The following SH3RF3 variants were observed in gnomAD, a reference collection of about 807,000 sequenced individuals.
The protein encoded by SH3RF3 is E3 ubiquitin-protein ligase SH3RF3.
In SH3RF3, 29 loss-of-function variants were observed where a neutral mutation model predicts 66.3. The ratio of observed to expected loss-of-function variants is 0.44; its 90% CI spans 0.33 to 0.60. The LOEUF (loss-of-function observed/expected upper bound fraction) is 0.60. SH3RF3 is among the 20% of genes least tolerant of loss of function. SH3RF3 has a pLI of 0.04. For missense variants in SH3RF3, 1,194 were observed against 1,190.9 expected, an observed-to-expected ratio of 1.00 and a Z score of -0.04; for synonymous variants, 583 against 532.0, an observed-to-expected ratio of 1.10 and a Z score of -1.32.
At chr2:109,401,911 C>T (rs545355080) in intron 4 of SH3RF3, among the ~76,000 whole-genome samples, 14 of 152,306 alleles carry the variant, frequency 9.2e-5, no homozygotes, top group South Asian at 2.1e-4. Flanking sequence ...TAGGGATTGA[C>T]GGGACTGGGA....
At chr2:109,178,256 G>A (rs1677973568) in intron 1 of SH3RF3, among the ~76,000 whole-genome samples, 1 of 152,230 alleles carries the variant, frequency 6.6e-6, no homozygotes, top group Non-Finnish European at 1.5e-5. Flanking sequence ...GAACTTAGTT[G>A]TCAACGTTTT....
chr2:109,414,024 C>T (rs10201726), intron 4 of SH3RF3, among the ~76,000 whole-genome samples: 7,720 of 152,314 alleles, frequency 0.051, 366 homozygotes, highest in African/African-American at 0.12. Flanking sequence ...GCATGCAGCT[C>T]AATGGACAAT....
At chr2:109,400,589 A>ACACACT (rs1233483788) in intron 4 of SH3RF3, among the ~76,000 whole-genome samples, 5 of 151,452 alleles carry the variant, frequency 3.3e-5, no homozygotes, top group Admixed American at 2.6e-4. Flanking sequence ...ACACACACAC[A>ACACACT]CTTGTGAACT....
Position 109,149,067 on chromosome 2 carries a change from C to T in SH3RF3, c.573+18954C>T, listed in dbSNP as rs1220134026. Among the ~76,000 whole-genome samples, 5 of 152,160 alleles carry T rather than the reference C, an allele frequency of 3.3e-5. No homozygotes were observed. In the East Asian group the frequency reaches 9.7e-4, roughly 29 times the overall value. Reference sequence around the variant, plus strand: ...ATTTGCTCTTTCCTTCCTTCAGAGGCTTCAATTGAGTGCCTCATGCAGGCC... The same window carrying T: ...ATTTGCTCTTTCCTTCCTTCAGAGGTTTCAATTGAGTGCCTCATGCAGGCC... On this transcript the variant is annotated intron_variant, in intron 1 of 9. Coordinates refer to ENST00000309415, the MANE Select transcript of SH3RF3 (RefSeq NM_001099289.3).
chr2:109,484,172 T>C (rs1678909457), intron 8 of SH3RF3, among the ~76,000 whole-genome samples: 1 of 151,734 alleles, frequency 6.6e-6, no homozygotes, highest in Non-Finnish European at 1.5e-5. Flanking sequence ...GTTCAAGCGA[T>C]TCTCCTGCCT....
rs1025870999 is a variant in SH3RF3 at position 109,502,583 on chromosome 2, T to C, written c.*912T>C. On this transcript the variant is annotated 3_prime_UTR_variant, in exon 10 of 10. Transcript: ENST00000309415. ...TCTGGGGGCTGGCGGGGTGGATCCA[T>C]TGAGGGGGTCGGAGGGAGCTTGGAA... 5.3e-5 allele frequency: 8 copies of C among 152,132 alleles called. No individual in the cohort carries two copies. The highest frequency in any genetic ancestry group is 1.4e-4 in the African/African-American group (6 of 41,426). 9.4% of individuals were successfully genotyped at this position (152,132 alleles called of 1,614,324 possible).
intron 1 of SH3RF3, among the ~76,000 whole-genome samples, chr2:109,232,555 G>A (rs1361377775): frequency 3.9e-5 from 6 of 152,286 alleles, no homozygotes; most frequent in Non-Finnish European, 7.4e-5. Flanking sequence ...TTCAATAAGC[G>A]TGGACCTTTC....
At chr2:109,262,786 G>A (rs946224828) in intron 1 of SH3RF3, among the ~76,000 whole-genome samples, 2 of 151,966 alleles carry the variant, frequency 1.3e-5, no homozygotes, top group Non-Finnish European at 2.9e-5. Context: ...ATATGTAATG[G>A]GCCCAATGAT....
intron 1 of SH3RF3, among the ~76,000 whole-genome samples, chr2:109,319,186 G>A (rs1399259634): frequency 2.6e-5 from 4 of 152,304 alleles, no homozygotes; most frequent in Admixed American, 6.5e-5. Context: ...CTTGGCTGTC[G>A]CCCTGTATAT....
At chr2:109,396,655 C>A (rs1676154087) in intron 3 of SH3RF3, among the ~76,000 whole-genome samples, 1 of 152,210 alleles carries the variant, frequency 6.6e-6, no homozygotes, top group Non-Finnish European at 1.5e-5. Flanking sequence ...CACTGATTGA[C>A]AGCATTGAGG....
chr2:109,400,396 G>A (rs10173239), intron 4 of SH3RF3, among the ~76,000 whole-genome samples: 78,766 of 151,918 alleles, frequency 0.52, 20,818 homozygotes, highest in South Asian at 0.6. Context: ...ACACATGCAC[G>A]CACATATACA....
intron 1 of SH3RF3, among the ~76,000 whole-genome samples, chr2:109,149,378 T>C (rs1019682827): frequency 6.6e-6 from 1 of 152,226 alleles, no homozygotes; most frequent in Non-Finnish European, 1.5e-5. Flanking sequence ...GCAGAGACTT[T>C]CGTTATTAAT....
At chr2:109,168,578 G>A (rs1677683120) in intron 1 of SH3RF3, among the ~76,000 whole-genome samples, 1 of 152,212 alleles carries the variant, frequency 6.6e-6, no homozygotes. Flanking sequence ...TCTTCGGACT[G>A]TAATGTTGCC....
At chr2:109,440,407 T>G (rs1324886091) in intron 7 of SH3RF3, among the ~76,000 whole-genome samples, 2 of 152,228 alleles carry the variant, frequency 1.3e-5, no homozygotes, top group Non-Finnish European at 2.9e-5. Flanking sequence ...GAGCAGAGCA[T>G]GGAGGTTCTT....
intron 3 of SH3RF3, among the ~76,000 whole-genome samples, chr2:109,372,948 G>A (rs1683307067): frequency 6.6e-6 from 1 of 152,194 alleles, no homozygotes. Flanking sequence ...AAGTCCAAAT[G>A]CTTTAGCTTA....
At chr2:109,275,258 C>T (rs1312293317) in intron 1 of SH3RF3, among the ~76,000 whole-genome samples, 1 of 152,206 alleles carries the variant, frequency 6.6e-6, no homozygotes, top group African/African-American at 2.4e-5. Context: ...GATATTCACC[C>T]TACCCTCTCT....
At chr2:109,301,705 G>A (rs1371983593) in intron 1 of SH3RF3, among the ~76,000 whole-genome samples, 1 of 152,220 alleles carries the variant, frequency 6.6e-6, no homozygotes, top group African/African-American at 2.4e-5. Context: ...GAGGAGAAAA[G>A]TGGTTTCTCA....
chr2:109,332,924 G>T (rs1373820483), intron 1 of SH3RF3, among the ~76,000 whole-genome samples: 1 of 152,258 alleles, frequency 6.6e-6, no homozygotes, highest in Non-Finnish European at 1.5e-5. Flanking sequence ...CTGTTTTGAT[G>T]GGAGGAAATT....
intron 9 of SH3RF3, among the ~76,000 whole-genome samples, chr2:109,498,564 A>G (rs1679310133): frequency 6.6e-6 from 1 of 152,210 alleles, no homozygotes; most frequent in Non-Finnish European, 1.5e-5. Flanking sequence ...CTCCCTGAGC[A>G]TGCACTCAGC....
Sources: gnomAD v4.1 joint callset for allele counts (sites outside exome capture counted in the v4.1 genomes callset) on GRCh38, gnomAD v4.1.1 for gene constraint, MANE v1.5 for transcripts, NCBI Gene and HGNC (gene_info 2026-07-23, HGNC 2026-07-21) for gene names.